Variants in DOCK5 observed in about 807,000 individuals in gnomAD.
DOCK5 encodes dedicator of cytokinesis protein 5.
A neutral mutation model predicts 251.8 loss-of-function variants in DOCK5; 142 were observed. The ratio of observed to expected loss-of-function variants is 0.56; its 90% confidence interval spans 0.49 to 0.65. The LOEUF is 0.65. Among genes scored for constraint, DOCK5 ranks in the 30% least tolerant of loss-of-function variants. The pLI, the probability that DOCK5 is intolerant of heterozygous loss-of-function variation, is 0.00. For missense variants in DOCK5, 2,111 were observed against 2,312.3 expected (o/e 0.91, Z 1.79); for synonymous variants, 842 against 835.5 (o/e 1.01, Z -0.13).
chr8:25,220,493 A>G (rs1253847520), intron 1 of DOCK5, among the ~76,000 whole-genome samples: 1 of 152,154 alleles, frequency 6.6e-6, no homozygotes, highest in Non-Finnish European at 1.5e-5. Flanking sequence ...ACCTGCTGCT[A>G]GGGCTCTTTG....
chr8:25,392,972 C>A, intron 44 of DOCK5, 90 bp downstream of exon 44: 1 of 1,133,046 alleles, frequency 8.8e-7, no homozygotes, highest in Non-Finnish European at 1.3e-6. Flanking sequence ...CAGTTCACAC[C>A]AGCTTGGCCA....
rs1348399827 is a variant in DOCK5 at position 25,391,990 on chromosome 8, C to T, written c.4440+10C>T. On this transcript the variant is annotated intron_variant, in intron 43 of 51. Coordinates refer to ENST00000276440, the MANE Select transcript of DOCK5 (RefSeq NM_024940.8). ...AGACAATGAATTTGCTGTGAGTTCACCCCTTTTGTCCTTTAAGAGGTAAAA... is the reference window on the plus strand; with the variant it reads ...AGACAATGAATTTGCTGTGAGTTCATCCCTTTTGTCCTTTAAGAGGTAAAA... 1 of 1,612,746 alleles carries T rather than the reference C, an allele frequency of 6.2e-7. No individual in the cohort carries two copies. The highest frequency in any genetic ancestry group is 8.5e-7 in the Non-Finnish European group (1 of 1,179,234).
intron 16 of DOCK5, 75 bp from the exon 17 acceptor site, chr8:25,323,773 A>C: frequency 6.6e-7 from 1 of 1,518,224 alleles, no homozygotes; most frequent in Non-Finnish European, 9.0e-7. Flanking sequence ...CCCGAGCAAA[A>C]TGTGAAATCG....
At chr8:25,364,726 C>T (rs769805925) in intron 30 of DOCK5, 22 bp downstream of exon 30, 24 of 1,545,476 alleles carry the variant, frequency 1.6e-5, no homozygotes, top group Middle Eastern at 1.7e-4. Context: ...ACTCACCTAC[C>T]TGCTTCTAGA....
At position 25,389,242 on chromosome 8, in the gene DOCK5, C is replaced by G; in HGVS notation, c.4273+10C>G. The stretch of plus-strand genomic sequence containing the variant: ...TCGTCCCCCAAGCAGTGTATCCTTT[C>G]CGGGGGGAGTATGGCCCCGAGGCTC... On this transcript the variant is annotated intron_variant, in intron 41 of 51. Coordinates refer to ENST00000276440, the MANE Select transcript of DOCK5 (RefSeq NM_024940.8). The G allele has an allele frequency of 1.9e-6, 3 of 1,611,532 alleles. No individual in the cohort carries two copies. Among genetic ancestry groups the G allele is most frequent in the Non-Finnish European group, 2.5e-6 (3 of 1,178,028 alleles).
chr8:25,185,360 C>T (rs1801406491), intron 1 of DOCK5, among the ~76,000 whole-genome samples: 1 of 152,172 alleles, frequency 6.6e-6, no homozygotes, highest in African/African-American at 2.4e-5. Context: ...GACTGGTGCT[C>T]ATTGTCCCAG....
intron 25 of DOCK5, among the ~76,000 whole-genome samples, chr8:25,343,972 A>G (rs1206201250): frequency 6.6e-6 from 1 of 151,854 alleles, no homozygotes; most frequent in Non-Finnish European, 1.5e-5. Context: ...TGCCCAGCTA[A>G]TTTTTTTTGT....
chr8:25,411,125 TAGG>T lies in DOCK5; in HGVS notation c.5509-63_5509-61del, dbSNP rs1022762436. The T allele has an allele frequency of 1.3e-5, 19 of 1,426,980 alleles. No homozygotes were observed. In the East Asian group the frequency reaches 3.0e-4, roughly 23 times the overall value. The allele number at this position is 1,426,980 out of a possible 1,614,324, so 88.4% of individuals were successfully genotyped here. On this transcript the variant is annotated intron_variant, in intron 51 of 51. Transcript: ENST00000276440. ...AGAAGCTAAAGCAGAATATGAGAAATAGGAGGAGAAGGCAGAATTGGGAAGAAA... is the reference window on the plus strand; with the variant it reads ...AGAAGCTAAAGCAGAATATGAGAAATAGGAGAAGGCAGAATTGGGAAGAAA...
At chr8:25,341,302 A>G (rs2117231427) in intron 23 of DOCK5, among the ~76,000 whole-genome samples, 1 of 152,132 alleles carries the variant, frequency 6.6e-6, no homozygotes. Flanking sequence ...ACAAATTTTT[A>G]TTTTTTGTCC....
rs1163493180 is a variant in DOCK5, at chr8:25,325,257, T to G, written c.1720-107T>G. The G allele has an allele frequency of 4.2e-6, 5 of 1,192,108 alleles. No homozygotes were observed. The East Asian group carries it at 7.1e-5, about 17-fold the overall frequency. The allele number at this position is 1,192,108 out of a possible 1,614,324, so 73.8% of individuals were successfully genotyped here. A position where few individuals can be genotyped will look rare whatever the true frequency, so the allele number is the denominator to read the frequency against. ...GGTGGAAGGGATCTTCAGGATAAAT[T>G]GATAAGTCCACGCTTCTCATGCTGA... On this transcript the variant is annotated intron_variant, in intron 17 of 51. Transcript: ENST00000276440.
chr8:25,306,473 A>G (rs377186030), intron 11 of DOCK5, among the ~76,000 whole-genome samples: 95 of 152,222 alleles, frequency 6.2e-4, no homozygotes, highest in East Asian at 2.3e-3. Context: ...TTGGGAGGCC[A>G]AGGCGGGCAG....
chr8:25,373,839 G>A (rs1245230437), intron 36 of DOCK5, among the ~76,000 whole-genome samples, 181 bp downstream of exon 36: 2 of 152,174 alleles, frequency 1.3e-5, no homozygotes, highest in South Asian at 2.1e-4. Context: ...GAATAAGTAC[G>A]ACAGGAAGGA....
intron 25 of DOCK5, among the ~76,000 whole-genome samples, chr8:25,343,761 T>A (rs1800307152): frequency 6.6e-6 from 1 of 152,170 alleles, no homozygotes; most frequent in Non-Finnish European, 1.5e-5. Flanking sequence ...ATGGTGGAAG[T>A]CTTTACACCA....
intron 5 of DOCK5, among the ~76,000 whole-genome samples, chr8:25,289,142 T>A (rs1335231953): frequency 6.6e-6 from 1 of 152,164 alleles, no homozygotes; most frequent in Non-Finnish European, 1.5e-5. Context: ...TCCTCCTCAT[T>A]TATTCTTTGT....
chr8:25,231,605 T>A (rs1013501664), intron 1 of DOCK5, among the ~76,000 whole-genome samples: 20 of 152,372 alleles, frequency 1.3e-4, no homozygotes, highest in African/African-American at 4.8e-4. Context: ...TAAGATTTTC[T>A]ATATAGATAA....
intron 40 of DOCK5, among the ~76,000 whole-genome samples, chr8:25,385,589 A>G (rs566081294): frequency 6.6e-6 from 1 of 152,176 alleles, no homozygotes; most frequent in African/African-American, 2.4e-5. Flanking sequence ...CCTTGAGTAA[A>G]TATTTATTAA....
chr8:25,397,637 C>T (rs1372607008), intron 45 of DOCK5, among the ~76,000 whole-genome samples: 1 of 152,168 alleles, frequency 6.6e-6, no homozygotes, highest in Non-Finnish European at 1.5e-5. Flanking sequence ...TACTGTAATA[C>T]TTTCAGTGTG....
chr8:25,198,414 A>G (rs947085901), intron 1 of DOCK5, among the ~76,000 whole-genome samples: 3 of 152,118 alleles, frequency 2.0e-5, no homozygotes, highest in South Asian at 4.1e-4. Context: ...TCGACTAAAA[A>G]TACAAAAATT....
rs1032378835 is a variant in DOCK5, at chr8:25,261,509, A to G, written c.128-7336A>G. On this transcript the variant is annotated intron_variant, in intron 2 of 51. Transcript: ENST00000276440. ...TTCAGAGGCATTTCCAAACAAAAAT[A>G]TTCAGTCATATTTCAGCAATGCAAT... 3.3e-5 allele frequency among the ~76,000 whole-genome samples: 5 copies of G among 152,224 alleles called. No individual in the cohort carries two copies. The East Asian group carries it at 9.6e-4, about 29-fold the overall frequency.
Sources: allele counts gnomAD v4.1 joint callset (sites outside exome capture counted in the v4.1 genomes callset), GRCh38; gene constraint gnomAD v4.1.1; transcripts MANE v1.5; gene names NCBI Gene and HGNC (gene_info 2026-07-23, HGNC 2026-07-21).